EFCAB6: variants seen among roughly 807,000 people sequenced by gnomAD.
The protein encoded by EFCAB6 is EF-hand calcium-binding domain-containing protein 6.
A neutral mutation model predicts 169.8 loss-of-function variants in EFCAB6; 156 were observed. That is an observed-to-expected ratio of 0.92 (90% CI 0.81 to 1.05). EFCAB6 has a LOEUF of 1.05. Ranked by LOEUF, EFCAB6 falls within the 50% of genes least tolerant of loss-of-function variation. The probability of loss-of-function intolerance (pLI) is 0.00; values close to 1 mark genes in which losing one functional copy is unlikely to be tolerated. For synonymous variants in EFCAB6, 698 were observed against 676.4 expected, an observed-to-expected ratio of 1.03 and a Z score of -0.50; for missense variants, 1,800 against 1,829.1, an observed-to-expected ratio of 0.98 and a Z score of 0.29.
At chr22:43,584,315 A>G (rs1359428368) in intron 24 of EFCAB6, among the ~76,000 whole-genome samples, 2 of 152,194 alleles carry the variant, frequency 1.3e-5, no homozygotes, top group African/African-American at 4.8e-5. Context: ...TTCCTGGAGC[A>G]AAAGCCTTTG....
intron 6 of EFCAB6, among the ~76,000 whole-genome samples, chr22:43,750,638 C>A (rs1273865495): frequency 6.6e-6 from 1 of 151,500 alleles, no homozygotes; most frequent in Non-Finnish European, 1.5e-5. Flanking sequence ...GAGCTTGACA[C>A]AGCCTTTTTG....
At chr22:43,711,789 C>T (rs17568513) in intron 9 of EFCAB6, among the ~76,000 whole-genome samples, 166 bp from the exon 10 acceptor site, 7,450 of 152,234 alleles carry the variant, frequency 0.049, 208 homozygotes, top group African/African-American at 0.056. Context: ...TTGATGAGCT[C>T]ACTACAAAAC....
chr22:43,662,863 C>G (rs557241546), intron 17 of EFCAB6, among the ~76,000 whole-genome samples: 2 of 152,196 alleles, frequency 1.3e-5, no homozygotes, highest in South Asian at 4.1e-4. Context: ...ATCCAGCAAG[C>G]CTATCTCACA....
At chr22:43,764,117 C>T (rs5763989) in intron 5 of EFCAB6, among the ~76,000 whole-genome samples, 112,451 of 152,016 alleles carry the variant, frequency 0.74, 41,642 homozygotes, top group African/African-American at 0.78. Flanking sequence ...CATAGGTATA[C>T]TGCCTAATGC....
At chr22:43,722,404 GC>G (rs2059566869) in intron 8 of EFCAB6, among the ~76,000 whole-genome samples, 4 of 151,896 alleles carry the variant, frequency 2.6e-5, no homozygotes, top group Middle Eastern at 3.4e-3. Flanking sequence ...GGTGGCATGC[GC>G]CTGTAATCCC....
At chr22:43,589,761 C>T (rs1156533598) in intron 24 of EFCAB6, among the ~76,000 whole-genome samples, 3 of 152,170 alleles carry the variant, frequency 2.0e-5, no homozygotes, top group Admixed American at 2.0e-4. Context: ...GCACTCCAGC[C>T]TGGGTGATAG....
rs549978922 is a variant in EFCAB6, at chr22:43,600,181, G to A, written c.2764C>T (p.Arg922Trp). The A allele has an allele frequency of 7.4e-6, 12 of 1,614,010 alleles. No individual in the cohort carries two copies. Among genetic ancestry groups the A allele is most frequent in the African/African-American group, 4.0e-5 (3 of 74,916 alleles). Residue 922 changes from arginine to tryptophan, a missense_variant, in exon 23 of 32, where the codon CGG becomes TGG. Transcript: ENST00000262726. ...LGINYSPAVH[R>W]PCAEDYFNFM... ...TTGAAATAATCCTCTGCACAGGGCC[G>A]ATGGACAGCAGGCGAATAGTTAATA...
At chr22:43,726,276 C>CAAAAAAAAAAAAAAAAAAAAAAAAAACA (rs3994547) in intron 8 of EFCAB6, among the ~76,000 whole-genome samples, 4 of 59,356 alleles carry the variant, frequency 6.7e-5, no homozygotes, top group Non-Finnish European at 9.1e-5. Flanking sequence ...AAAAATTCAC[C>CAAAAAAAAAAAAAAAAAAAAAAAAAACA]AAAAAAAAAA....
chr22:43,808,719 T>G (rs567603477), intron 2 of EFCAB6, among the ~76,000 whole-genome samples: 4 of 151,634 alleles, frequency 2.6e-5, no homozygotes, highest in Non-Finnish European at 5.9e-5. Context: ...AATATCAGAA[T>G]AAAATAACAG....
intron 12 of EFCAB6, among the ~76,000 whole-genome samples, chr22:43,680,139 G>A (rs1403522683): frequency 6.6e-6 from 1 of 152,156 alleles, no homozygotes; most frequent in African/African-American, 2.4e-5. Flanking sequence ...TGTGTATGGT[G>A]TAAGAGGTAA....
In EFCAB6 at chr22:43,598,182, C is replaced by T. The variant is rs576815246; in HGVS notation, c.2876+1887G>A. ...ATTAGCTAGGTGTGGTGGTGTGTAC[C>T]GGTAGTCCCAGCTACTCAGGAGGCT... On this transcript the variant is annotated intron_variant, in intron 23 of 31. Transcript: ENST00000262726. 7.3e-5 allele frequency among the ~76,000 whole-genome samples: 11 copies of T among 151,654 alleles called. No homozygotes were observed. The South Asian group carries it at 2.3e-3, about 32-fold the overall frequency.
chr22:43,608,748 ATCC>A, intron 21 of EFCAB6, 148 bp from the exon 22 acceptor site: 1 of 715,552 alleles, frequency 1.4e-6, no homozygotes, highest in Non-Finnish European at 2.3e-6. Flanking sequence ...CGTTCCAGGT[ATCC>A]TCATCATTCC....
intron 10 of EFCAB6, among the ~76,000 whole-genome samples, chr22:43,699,441 T>A (rs998626346): frequency 3.3e-5 from 5 of 152,150 alleles, no homozygotes; most frequent in African/African-American, 1.2e-4. Flanking sequence ...CCTGTTCGTA[T>A]CCCTGAGATG....
intron 27 of EFCAB6, among the ~76,000 whole-genome samples, chr22:43,543,190 C>T (rs1384737073): frequency 6.6e-6 from 1 of 152,200 alleles, no homozygotes. Flanking sequence ...CCAGCTCTCA[C>T]CCCTGGCAAA....
intron 10 of EFCAB6, among the ~76,000 whole-genome samples, chr22:43,696,720 T>C (rs933780150): frequency 6.6e-6 from 1 of 152,172 alleles, no homozygotes; most frequent in Non-Finnish European, 1.5e-5. Context: ...TATGACTCCA[T>C]TTATGAGAAC....
chr22:43,707,237 C>T (rs948790110), intron 10 of EFCAB6, among the ~76,000 whole-genome samples: 1 of 151,800 alleles, frequency 6.6e-6, no homozygotes, highest in African/African-American at 2.4e-5. Context: ...AAAATGCAGC[C>T]AAGAGATAAA....
intron 22 of EFCAB6, 48 bp downstream of exon 22, chr22:43,608,434 C>T: frequency 6.4e-7 from 1 of 1,562,944 alleles, no homozygotes; most frequent in Non-Finnish European, 8.8e-7. Context: ...ACAGCAAGCA[C>T]CCCTAGTCCA....
chr22:43,671,900 G>A, intron 15 of EFCAB6, 73 bp downstream of exon 15: 1 of 1,532,768 alleles, frequency 6.5e-7, no homozygotes, highest in Non-Finnish European at 8.8e-7. Flanking sequence ...AAAACACACA[G>A]AAAAGGTTTA....
chr22:43,555,069 G>T lies in EFCAB6; in HGVS notation c.3448C>A (p.Pro1150Thr). 1.2e-6 allele frequency: 2 copies of T among 1,614,226 alleles called. No homozygotes were observed. Among genetic ancestry groups the T allele is most frequent in the African/African-American group, 1.3e-5 (1 of 75,046 alleles). Reference sequence around the variant, plus strand: ...GGAGAGGTAGGCGGCGGGCCTTTGGGCATTTTCTCAGCCCACTCATCAGCT... The same window carrying T: ...GGAGAGGTAGGCGGCGGGCCTTTGGTCATTTTCTCAGCCCACTCATCAGCT... ...ETADEWAEKM[P>T]KGPPPTSPKA... Residue 1150 changes from proline to threonine, a missense_variant, in exon 27 of 32, where the codon CCC (proline) becomes ACC (threonine). Coordinates refer to ENST00000262726, the MANE Select transcript of EFCAB6 (RefSeq NM_022785.4).
Sources: allele counts gnomAD v4.1 joint callset (sites outside exome capture counted in the v4.1 genomes callset), GRCh38; gene constraint gnomAD v4.1.1; transcripts MANE v1.5; gene names NCBI Gene and HGNC (gene_info 2026-07-23, HGNC 2026-07-21).